Variants in ANKRD17 observed in about 807,000 individuals in gnomAD.
The protein encoded by ANKRD17 is ankyrin repeat domain-containing protein 17.
A neutral mutation model predicts 229.7 loss-of-function variants in ANKRD17; 19 were observed. The ratio of observed to expected loss-of-function variants is 0.08; its 90% confidence interval spans 0.06 to 0.12. The LOEUF is 0.12. ANKRD17 is among the 10% of genes least tolerant of loss of function. The probability of loss-of-function intolerance (pLI) is 1.00; values close to 1 mark genes in which losing one functional copy is unlikely to be tolerated. For synonymous variants in ANKRD17, 1,112 were observed against 1,146.1 expected (o/e 0.97, Z 0.60); for missense variants, 2,176 against 3,176.8 (o/e 0.68, Z 7.57).
chr4:73,115,116 G>A (rs1277792042), intron 23 of ANKRD17, among the ~76,000 whole-genome samples: 2 of 152,108 alleles, frequency 1.3e-5, no homozygotes, highest in African/African-American at 4.8e-5. Flanking sequence ...ATGATTAAAA[G>A]TAGTATGTTC....
At chr4:73,193,056 CA>C (rs1260022496) in intron 1 of ANKRD17, among the ~76,000 whole-genome samples, 8 of 152,070 alleles carry the variant, frequency 5.3e-5, no homozygotes, top group Non-Finnish European at 1.2e-4. Context: ...TTTTAACACT[CA>C]AAAATTTGTC....
chr4:73,150,095 T>G (rs1730815918), intron 7 of ANKRD17, among the ~76,000 whole-genome samples: 2 of 152,200 alleles, frequency 1.3e-5, no homozygotes. Flanking sequence ...TACTACTTTT[T>G]TTTCTATTTC....
At chr4:73,096,288 T>A (rs543695685) in intron 27 of ANKRD17, among the ~76,000 whole-genome samples, 1 of 152,336 alleles carries the variant, frequency 6.6e-6, no homozygotes, top group East Asian at 1.9e-4. Flanking sequence ...CAAATTATCT[T>A]ATTAGTGTAT....
intron 1 of ANKRD17, among the ~76,000 whole-genome samples, chr4:73,198,324 A>G (rs1738173088): frequency 1.3e-5 from 2 of 152,202 alleles, no homozygotes; most frequent in Admixed American, 6.5e-5. Flanking sequence ...TTATCCAAAC[A>G]AATTTAGTTT....
chr4:73,241,089 A>C (rs1369858835), intron 1 of ANKRD17, among the ~76,000 whole-genome samples: 1 of 151,940 alleles, frequency 6.6e-6, no homozygotes, highest in Non-Finnish European at 1.5e-5. Flanking sequence ...AGGATTACAG[A>C]TGTGAGCCAC....
chr4:73,250,710 T>C (rs1460402290), intron 1 of ANKRD17, among the ~76,000 whole-genome samples: 1 of 151,194 alleles, frequency 6.6e-6, no homozygotes, highest in Non-Finnish European at 1.5e-5. Context: ...GTTGTTGTTG[T>C]TGTTGTTGTT....
At chr4:73,089,013 C>T (rs958863332) in intron 29 of ANKRD17, among the ~76,000 whole-genome samples, 1 of 151,346 alleles carries the variant, frequency 6.6e-6, no homozygotes, top group Non-Finnish European at 1.5e-5. Context: ...ATTAAAATTT[C>T]ATATTTTGTG....
At chr4:73,248,830 TAATA>T (rs1273470200) in intron 1 of ANKRD17, among the ~76,000 whole-genome samples, 1 of 151,940 alleles carries the variant, frequency 6.6e-6, no homozygotes, top group Non-Finnish European at 1.5e-5. Flanking sequence ...ACATAGGAGA[TAATA>T]AATGTTTGTC....
At position 73,091,966 on chromosome 4, in the gene ANKRD17, G is replaced by A. The variant is rs768388794; in HGVS notation, c.5662C>T (p.Pro1888Ser). ...GCAAGCAAAGCATGTGCAAACTGTG[G>A]AGGAGGATATGCTAATGGAAGAGAA... is the stretch of plus-strand genomic sequence containing the variant. ...PVSLPLAYPP[P>S]QFAHALLAAQ... Residue 1888 changes from proline to serine, a missense_variant, in exon 29 of 34, where the codon CCA becomes TCA. Coordinates refer to ENST00000358602, the MANE Select transcript of ANKRD17 (RefSeq NM_032217.5). 1 of 1,614,206 alleles carries A rather than the reference G, an allele frequency of 6.2e-7. No homozygotes were observed. Among genetic ancestry groups the A allele is most frequent in the African/African-American group, 1.3e-5 (1 of 75,052 alleles).
intron 1 of ANKRD17, among the ~76,000 whole-genome samples, chr4:73,216,178 ACT>A (rs990457243): frequency 2.0e-5 from 3 of 152,048 alleles, no homozygotes; most frequent in African/African-American, 7.2e-5. Flanking sequence ...AAACAATGCC[ACT>A]CTCACAAATT....
At chr4:73,144,887 C>A in intron 10 of ANKRD17, 55 bp from the exon 11 acceptor site, 2 of 1,251,856 alleles carry the variant, frequency 1.6e-6, no homozygotes, top group Non-Finnish European at 1.1e-6. Flanking sequence ...AACAAGTATT[C>A]TTTTTCATGG....
intron 30 of ANKRD17, among the ~76,000 whole-genome samples, chr4:73,080,208 T>A (rs1721425157): frequency 6.6e-6 from 1 of 152,112 alleles, no homozygotes. Context: ...AACTGTTACC[T>A]GCAGATTCAA....
chr4:73,247,090 A>T (rs947888837), intron 1 of ANKRD17, among the ~76,000 whole-genome samples: 1 of 152,040 alleles, frequency 6.6e-6, no homozygotes, highest in Non-Finnish European at 1.5e-5. Context: ...AATCAATAAG[A>T]AAACAACAAG....
rs758512333 is a variant in ANKRD17 at position 73,084,270 on chromosome 4, C to T, written c.7159+979G>A. Among the ~76,000 whole-genome samples, 39 of 152,016 alleles carry T rather than the reference C, an allele frequency of 2.6e-4. 1 individual carries two copies. Among genetic ancestry groups the T allele is most frequent in the Non-Finnish European group, 3.7e-4 (25 of 68,010 alleles). On this transcript the variant is annotated intron_variant, in intron 30 of 33. Coordinates refer to ENST00000358602, the MANE Select transcript of ANKRD17 (RefSeq NM_032217.5). Reference sequence around the variant, plus strand: ...GCACATGCCTGTAGTCCCATTTATTCAGGAGGCTGAGGTGGGAGAATCGCT... The same window carrying T: ...GCACATGCCTGTAGTCCCATTTATTTAGGAGGCTGAGGTGGGAGAATCGCT...
At chr4:73,131,015 C>T (rs1360287838) in intron 16 of ANKRD17, among the ~76,000 whole-genome samples, 1 of 151,966 alleles carries the variant, frequency 6.6e-6, no homozygotes, top group African/African-American at 2.4e-5. Context: ...TAAACTCAAG[C>T]AAAATAAACA....
At chr4:73,109,942 G>C (rs990270477) in intron 24 of ANKRD17, among the ~76,000 whole-genome samples, 5 of 138,268 alleles carry the variant, frequency 3.6e-5, no homozygotes, top group Admixed American at 7.7e-5. Context: ...AGAATGAAAT[G>C]TGTGAAACCG....
intron 1 of ANKRD17, among the ~76,000 whole-genome samples, chr4:73,246,110 A>C (rs1744477357): frequency 6.6e-6 from 1 of 152,230 alleles, no homozygotes; most frequent in Non-Finnish European, 1.5e-5. Flanking sequence ...TAAAGAACTA[A>C]GCAAAGGAAA....
intron 16 of ANKRD17, among the ~76,000 whole-genome samples, chr4:73,127,604 C>T (rs989672963): frequency 7.2e-5 from 11 of 151,984 alleles, no homozygotes; most frequent in African/African-American, 2.7e-4. Flanking sequence ...AGGTAAGGAA[C>T]ATGTCTTATC....
At chr4:73,205,521 G>T (rs982819677) in intron 1 of ANKRD17, among the ~76,000 whole-genome samples, 1 of 152,006 alleles carries the variant, frequency 6.6e-6, no homozygotes, top group East Asian at 1.9e-4. Context: ...AGTAGTGCTG[G>T]GAGAACTAGA....
Sources: allele counts gnomAD v4.1 joint callset (sites outside exome capture counted in the v4.1 genomes callset), GRCh38; gene constraint gnomAD v4.1.1; transcripts MANE v1.5; gene names NCBI Gene and HGNC (gene_info 2026-07-23, HGNC 2026-07-21).